HNF4A: variants seen among roughly 807,000 people sequenced by gnomAD.
The protein encoded by HNF4A is hepatocyte nuclear factor 4-alpha.
HNF4A carries 15 observed loss-of-function variants against 52.4 expected under a neutral mutation model. The ratio of observed to expected loss-of-function variants is 0.29; its 90% CI spans 0.19 to 0.44. HNF4A has a LOEUF of 0.44. HNF4A is among the 20% of genes least tolerant of loss of function. The pLI, the probability that HNF4A is intolerant of heterozygous loss-of-function variation, is 1.00. For missense variants in HNF4A, 479 were observed against 647.2 expected, an observed-to-expected ratio of 0.74 and a Z score of 2.82; for synonymous variants, 280 against 264.4, an observed-to-expected ratio of 1.06 and a Z score of -0.57.
intron 5 of HNF4A, among the ~76,000 whole-genome samples, chr20:44,416,453 C>T (rs146836847): frequency 1.1e-4 from 16 of 152,364 alleles, no homozygotes; most frequent in African/African-American, 3.6e-4. Flanking sequence ...CCAGGTCTTC[C>T]GCTTCGCGAT....
chr20:44,413,683 C>T lies in HNF4A; in HGVS notation c.386-11C>T. The stretch of plus-strand genomic sequence containing the variant: ...TGTTCTCCCTCCTCACCTCTCTGTG[C>T]CTCCTCACAGCCGTCCAGAATGAGC... On this transcript the variant is annotated splice_polypyrimidine_tract_variant and intron_variant, in intron 3 of 9. Coordinates refer to ENST00000316099, the MANE Select transcript of HNF4A (RefSeq NM_000457.6). 1 of 1,608,156 alleles carries T rather than the reference C, an allele frequency of 6.2e-7. No homozygotes were observed. The highest frequency in any genetic ancestry group is 8.5e-7 in the Non-Finnish European group (1 of 1,175,156).
At chr20:44,404,847 ACTGTGTGGTG>A (rs2146357843) in intron 1 of HNF4A, among the ~76,000 whole-genome samples, 2 of 730 alleles carry the variant, frequency 2.7e-3, no homozygotes, top group Non-Finnish European at 5.6e-3. Context: ...TGTGTGCGTG[ACTGTGTGGTG>A]TGTGTGCGCG....
intron 7 of HNF4A, among the ~76,000 whole-genome samples, chr20:44,421,053 T>G (rs761406602): frequency 6.6e-6 from 1 of 152,202 alleles, no homozygotes; most frequent in Non-Finnish European, 1.5e-5. Flanking sequence ...ATTTTGCTTT[T>G]CTCCATCACC....
intron 7 of HNF4A, among the ~76,000 whole-genome samples, chr20:44,421,158 G>T (rs896999708): frequency 2.0e-5 from 3 of 151,830 alleles, no homozygotes; most frequent in Admixed American, 2.0e-4. Context: ...TTCCTTTCTT[G>T]TTCTATCAAC....
At chr20:44,399,940 C>T (rs925285194), upstream of HNF4A, among the ~76,000 whole-genome samples, 2 of 152,188 alleles carry the variant, frequency 1.3e-5, no homozygotes, top group Non-Finnish European at 2.9e-5. Flanking sequence ...GCTCCCAGGC[C>T]TCCCAAGTCT....
intron 1 of HNF4A, among the ~76,000 whole-genome samples, chr20:44,373,703 G>GT (rs1242783619): frequency 6.6e-6 from 1 of 151,694 alleles, no homozygotes; most frequent in Non-Finnish European, 1.5e-5. Flanking sequence ...AAACTTTTTA[G>GT]TTTTTTCAGA....
chr20:44,360,334 G>T (rs2062903532), intron 1 of HNF4A, among the ~76,000 whole-genome samples: 1 of 152,174 alleles, frequency 6.6e-6, no homozygotes, highest in Non-Finnish European at 1.5e-5. Context: ...TGAGACAAAT[G>T]AATGAGTAAC....
chr20:44,371,187 C>T (rs1413333791), intron 1 of HNF4A, among the ~76,000 whole-genome samples: 1 of 152,232 alleles, frequency 6.6e-6, no homozygotes, highest in Non-Finnish European at 1.5e-5. Flanking sequence ...CACACAGGAT[C>T]TCAGGTACTT....
intron 6 of HNF4A, 34 bp downstream of exon 6, chr20:44,418,546 G>A (rs2063698669): frequency 6.6e-7 from 1 of 1,506,984 alleles, no homozygotes; most frequent in African/African-American, 1.4e-5. Context: ...CAGGGCTCCA[G>A]GGAGGGTATG....
chr20:44,357,416 C>G (rs1163044175), intron 1 of HNF4A, among the ~76,000 whole-genome samples: 1 of 152,072 alleles, frequency 6.6e-6, no homozygotes, highest in Non-Finnish European at 1.5e-5. Context: ...CAATGGATGA[C>G]TTGGTTGAAC....
At position 44,424,261 on chromosome 20, in the gene HNF4A, G is replaced by A; in HGVS notation, c.1129+7G>A. On this transcript the variant is annotated splice_region_variant and intron_variant, in intron 8 of 9. Transcript: ENST00000316099. ...CAGGAGATGCTGCTGGGAGGTCCGT[G>A]CCAAGCCCAGGAGGGGCGGGGTTGG... The A allele has an allele frequency of 6.2e-7, 1 of 1,613,644 alleles. No homozygotes were observed. Among genetic ancestry groups the A allele is most frequent in the Non-Finnish European group, 8.5e-7 (1 of 1,179,912 alleles).
chr20:44,419,576 T>G, intron 6 of HNF4A, 145 bp from the exon 7 acceptor site: 1 of 793,842 alleles, frequency 1.3e-6, no homozygotes, highest in Admixed American at 1.8e-5. Context: ...GGCCTCAGCT[T>G]CCTTACCTGT....
intron 1 of HNF4A, among the ~76,000 whole-genome samples, chr20:44,403,845 G>A (rs1242961329): frequency 6.6e-6 from 1 of 152,204 alleles, no homozygotes; most frequent in African/African-American, 2.4e-5. Context: ...GAGGGGAGAT[G>A]ATAGAGCTGA....
intron 1 of HNF4A, among the ~76,000 whole-genome samples, chr20:44,359,420 C>T (rs547296770): frequency 1.9e-4 from 29 of 152,262 alleles, no homozygotes; most frequent in Non-Finnish European, 3.2e-4. Flanking sequence ...AGCAAAACTT[C>T]CCCAGAAACC....
At chr20:44,372,753 C>T (rs2063046556) in intron 1 of HNF4A, 1 of 152,060 alleles carries the variant, frequency 6.6e-6, no homozygotes, top group Admixed American at 6.6e-5. Context: ...GGTCCATCTA[C>T]AGTGAAAGCG....
chr20:44,434,530 G>GC (rs1454545314), downstream of HNF4A: 2 of 149,320 alleles, frequency 1.3e-5, 1 homozygote, highest in African/African-American at 5.1e-5. Context: ...GGGGGGGGGG[G>GC]GTGGAGGCCA....
At chr20:44,378,792 G>T (rs6073420) in intron 1 of HNF4A, among the ~76,000 whole-genome samples, 1 of 151,282 alleles carries the variant, frequency 6.6e-6, no homozygotes, top group Non-Finnish European at 1.5e-5. Context: ...GGTGGTGCGT[G>T]CCTGTAATCC....
intron 7 of HNF4A, among the ~76,000 whole-genome samples, chr20:44,422,602 A>AT (rs971046736): frequency 2.0e-4 from 30 of 150,184 alleles, no homozygotes; most frequent in African/African-American, 5.9e-4. Context: ...TTATTCACTG[A>AT]TTTTTTTTTC....
intron 1 of HNF4A, among the ~76,000 whole-genome samples, chr20:44,360,845 G>C (rs1176394073): frequency 6.6e-6 from 1 of 152,146 alleles, no homozygotes; most frequent in Non-Finnish European, 1.5e-5. Context: ...TATGATGATG[G>C]TGCTTTGCTT....
Sources: allele counts gnomAD v4.1 joint callset (sites outside exome capture counted in the v4.1 genomes callset), GRCh38; gene constraint gnomAD v4.1.1; transcripts MANE v1.5; gene names NCBI Gene and HGNC (gene_info 2026-07-23, HGNC 2026-07-21).